The following IDO2 variants were observed in gnomAD, a reference collection of about 807,000 sequenced individuals.
The protein encoded by IDO2 is indoleamine 2,3-dioxygenase 2, also known as indoleamine 2,3-dioxygenase-like 1 protein.
IDO2 carries 46 observed loss-of-function variants against 45.1 expected under a neutral mutation model. The observed-to-expected ratio is 1.02, with a 90% CI of 0.80 to 1.30. The LOEUF (loss-of-function observed/expected upper bound fraction) is 1.30, where lower values mean the gene tolerates loss of function less well. Among genes scored for constraint, IDO2 ranks in the 50% most tolerant of loss-of-function variants. The pLI is 0.00. For missense variants in IDO2, 544 were observed against 491.8 expected (o/e 1.11, Z -1.00); for synonymous variants, 218 against 184.9 (o/e 1.18, Z -1.45).
chr8:39,985,528 T>A lies in IDO2; in HGVS notation c.449+6T>A. Reference sequence around the variant, plus strand: ...GCTAGATTCCTGGAAATTGGGTAAGTTCTCAGAAATCATTTACGCACTTTA... The same window carrying A: ...GCTAGATTCCTGGAAATTGGGTAAGATCTCAGAAATCATTTACGCACTTTA... On this transcript the variant is annotated splice_donor_region_variant and intron_variant, in intron 6 of 10. Transcript: ENST00000502986. 1 of 1,563,504 alleles carries A rather than the reference T, an allele frequency of 6.4e-7. No homozygotes were observed. The highest frequency in any genetic ancestry group is 8.7e-7 in the Non-Finnish European group (1 of 1,152,496).
intron 2 of IDO2, among the ~76,000 whole-genome samples, chr8:39,951,552 C>T (rs890297948): frequency 6.6e-6 from 1 of 152,172 alleles, no homozygotes; most frequent in African/African-American, 2.4e-5. Flanking sequence ...TCCCCTGACC[C>T]TCAATTTTCA....
chr8:39,952,243 C>T (rs1213594277), intron 2 of IDO2, among the ~76,000 whole-genome samples: 2 of 152,180 alleles, frequency 1.3e-5, no homozygotes, highest in Non-Finnish European at 2.9e-5. Context: ...TCACAATTGG[C>T]TGCCCTGCTC....
intron 1 of IDO2, among the ~76,000 whole-genome samples, chr8:39,935,425 GT>G (rs1172122048): frequency 0.031 from 347 of 11,066 alleles, 1 homozygote; most frequent in South Asian, 0.13. Flanking sequence ...TACTTTTCTG[GT>G]TGTTGTTGTT....
intron 8 of IDO2, among the ~76,000 whole-genome samples, chr8:39,997,288 T>C (rs1357346394): frequency 6.6e-6 from 1 of 152,118 alleles, no homozygotes; most frequent in East Asian, 1.9e-4. Context: ...AGTAATAAAT[T>C]GTAATATACA....
chr8:39,988,468 G>C (rs984607324), intron 7 of IDO2, among the ~76,000 whole-genome samples: 1 of 152,214 alleles, frequency 6.6e-6, no homozygotes, highest in Non-Finnish European at 1.5e-5. Context: ...CCTTCGCTCT[G>C]TCGCTCAGGC....
At chr8:39,977,312 G>A (rs951865386) in intron 3 of IDO2, among the ~76,000 whole-genome samples, 4 of 152,158 alleles carry the variant, frequency 2.6e-5, no homozygotes, top group East Asian at 1.9e-4. Context: ...ACCTGGTTTC[G>A]GCTAAGAGAG....
At chr8:39,984,538 G>A (rs559904222) in intron 5 of IDO2, among the ~76,000 whole-genome samples, 37 of 152,316 alleles carry the variant, frequency 2.4e-4, no homozygotes, top group Non-Finnish European at 4.6e-4. Flanking sequence ...TAGGGAGTAA[G>A]AGTGAAGGGC....
intron 2 of IDO2, among the ~76,000 whole-genome samples, chr8:39,963,182 T>C (rs1808025374): frequency 6.6e-6 from 1 of 152,208 alleles, no homozygotes. Flanking sequence ...CTGTCCCCTC[T>C]ACCTTTACTA....
chr8:39,972,567 G>A (rs970400126), intron 3 of IDO2, among the ~76,000 whole-genome samples: 2 of 118,514 alleles, frequency 1.7e-5, no homozygotes. Flanking sequence ...TCAAGATCTC[G>A]CCACTGCACT....
chr8:39,963,746 T>A, intron 3 of IDO2, 43 bp downstream of exon 3: 1 of 1,157,938 alleles, frequency 8.6e-7, no homozygotes, highest in South Asian at 1.3e-5. Flanking sequence ...GTTTTCATCA[T>A]CATACCACTT....
rs568251388 is a variant in IDO2, at chr8:39,979,492, T to C, written c.315+306T>C. Among the ~76,000 whole-genome samples, 6 of 152,236 alleles carry C rather than the reference T, an allele frequency of 3.9e-5. No individual in the cohort carries two copies. The East Asian group carries it at 9.7e-4, about 25-fold the overall frequency. ...CCTCAGCCTTTCTTGTAGCTGAGACTACAGGCACCCACCACCACACCTGGC... is the reference window on the plus strand; with the variant it reads ...CCTCAGCCTTTCTTGTAGCTGAGACCACAGGCACCCACCACCACACCTGGC... On this transcript the variant is annotated intron_variant, in intron 4 of 10. Transcript: ENST00000502986.
intron 1 of IDO2, among the ~76,000 whole-genome samples, chr8:39,935,427 T>TGTTGTTGTTGTTGTTGTG (rs1807530492): frequency 5.8e-5 from 1 of 17,386 alleles, no homozygotes; most frequent in Non-Finnish European, 5.8e-4. Context: ...CTTTTCTGGT[T>TGTTGTTGTTGTTGTTGTG]GTTGTTGTTG....
intron 8 of IDO2, among the ~76,000 whole-genome samples, chr8:39,996,705 G>A (rs577215919): frequency 1.4e-4 from 21 of 152,186 alleles, no homozygotes; most frequent in African/African-American, 5.1e-4. Context: ...ATGAGCCACC[G>A]CATCCAGCCA....
In IDO2 at chr8:39,964,320, G is replaced by T. The variant is rs141726627; in HGVS notation, c.195+617G>T. On this transcript the variant is annotated intron_variant, in intron 3 of 10. Transcript: ENST00000502986. The stretch of plus-strand genomic sequence containing the variant: ...AACCCTGAAAAAGTTACTCAACTCT[G>T]TAATCCCATTTCCTTATTTATAAAA... Among the ~76,000 whole-genome samples, 365 of 152,328 alleles carry T rather than the reference G, an allele frequency of 2.4e-3. 14 individuals carry two copies. The East Asian group carries it at 0.061, about 25-fold the overall frequency.
chr8:39,939,069 T>C (rs1585391907), intron 1 of IDO2, among the ~76,000 whole-genome samples: 1 of 150,868 alleles, frequency 6.6e-6, no homozygotes, highest in Non-Finnish European at 1.5e-5. Flanking sequence ...CTGACCAACA[T>C]GGTGAAACCC....
intron 3 of IDO2, among the ~76,000 whole-genome samples, chr8:39,976,571 T>C (rs1473391778): frequency 1.3e-5 from 2 of 152,182 alleles, no homozygotes; most frequent in Non-Finnish European, 2.9e-5. Context: ...AAATAGGAAG[T>C]TATAAGATGC....
intron 9 of IDO2, among the ~76,000 whole-genome samples, chr8:40,009,469 C>G (rs879410268): frequency 6.8e-6 from 1 of 146,698 alleles, no homozygotes; most frequent in Non-Finnish European, 1.5e-5. Context: ...ATTTTTTTTT[C>G]CCCACTAAAA....
At position 39,974,927 on chromosome 8, in the gene IDO2, AAAAAC is replaced by A. The variant is rs200763763; in HGVS notation, c.196-4120_196-4116del. Among the ~76,000 whole-genome samples, 25 of 151,408 alleles carry A rather than the reference AAAAAC, an allele frequency of 1.7e-4. 1 individual carries two copies. In the Middle Eastern group the frequency reaches 0.014, roughly 82 times the overall value. On this transcript the variant is annotated intron_variant, in intron 3 of 10. Transcript: ENST00000502986. ...CTGGTGACAGAGCGAGACTCCGTCT[AAAAAC>A]AAAACAAAACAAAACAAAAGCACAA...
At chr8:39,959,106 T>C (rs1807949269) in intron 2 of IDO2, among the ~76,000 whole-genome samples, 1 of 145,662 alleles carries the variant, frequency 6.9e-6, no homozygotes. Context: ...CATGTTAATC[T>C]GTAGATTTTT....
Sources: allele counts gnomAD v4.1 joint callset (sites outside exome capture counted in the v4.1 genomes callset), GRCh38; gene constraint gnomAD v4.1.1; transcripts MANE v1.5; gene names NCBI Gene and HGNC (gene_info 2026-07-23, HGNC 2026-07-21).